Variants in UNC13C observed in about 807,000 individuals in gnomAD.
UNC13C encodes unc-13 homolog C.
Under a neutral mutation model 245.4 loss-of-function variants are expected in UNC13C, and 174 were observed. The ratio of observed to expected loss-of-function variants is 0.71; its 90% CI spans 0.63 to 0.80. The LOEUF is 0.80. Ranked by LOEUF, UNC13C falls within the 30% of genes least tolerant of loss-of-function variation. The pLI is 0.00. For synonymous variants in UNC13C, 992 were observed against 895.1 expected, an observed-to-expected ratio of 1.11 and a Z score of -1.93; for missense variants, 2,829 against 2,602.9, an observed-to-expected ratio of 1.09 and a Z score of -1.89.
At chr15:54,023,229 G>A (rs1034670898) in intron 2 of UNC13C, among the ~76,000 whole-genome samples, 3 of 152,194 alleles carry the variant, frequency 2.0e-5, no homozygotes, top group African/African-American at 7.2e-5. Context: ...ACATCATATA[G>A]CGAATTAAGG....
intron 26 of UNC13C, among the ~76,000 whole-genome samples, chr15:54,544,271 A>C (rs1896384549): frequency 6.6e-6 from 1 of 152,200 alleles, no homozygotes; most frequent in Non-Finnish European, 1.5e-5. Flanking sequence ...AACTCTCAAT[A>C]AAATAGGTAT....
chr15:54,202,220 A>G (rs1050912051), intron 4 of UNC13C, among the ~76,000 whole-genome samples: 1 of 152,088 alleles, frequency 6.6e-6, no homozygotes, highest in African/African-American at 2.4e-5. Flanking sequence ...GATAGAATCA[A>G]TATTGTGAAA....
At chr15:54,404,723 A>G (rs945140141) in intron 18 of UNC13C, among the ~76,000 whole-genome samples, 5 of 152,148 alleles carry the variant, frequency 3.3e-5, no homozygotes, top group Non-Finnish European at 7.4e-5. Flanking sequence ...ATGTATGACA[A>G]TTTCTACAAA....
chr15:54,349,687 G>T (rs116212359), intron 17 of UNC13C, among the ~76,000 whole-genome samples: 1 of 152,126 alleles, frequency 6.6e-6, no homozygotes, highest in Non-Finnish European at 1.5e-5. Flanking sequence ...CTTTCAGTTG[G>T]CAAGTAAGCC....
At chr15:53,860,627 G>A in the UNC13C span, among the ~76,000 whole-genome samples, 1 of 152,168 alleles carries the variant, frequency 6.6e-6, no homozygotes, top group Non-Finnish European at 1.5e-5. Context: ...TCTCCCAGGA[G>A]TCTTTGCCTC....
intron 1 of UNC13C, among the ~76,000 whole-genome samples, chr15:53,995,166 C>A (rs950855701): frequency 4.6e-5 from 7 of 151,520 alleles, no homozygotes; most frequent in African/African-American, 1.2e-4. Flanking sequence ...AACTGGTCAA[C>A]AAACAAATAG....
At chr15:54,525,764 A>C in intron 25 of UNC13C, 127 bp downstream of exon 25, 1 of 757,738 alleles carries the variant, frequency 1.3e-6, no homozygotes, top group Non-Finnish European at 2.2e-6. Flanking sequence ...TCTAAATGTC[A>C]TTTTCTCTGA....
chr15:54,224,992 A>G (rs1262285116), intron 4 of UNC13C, among the ~76,000 whole-genome samples: 2 of 145,116 alleles, frequency 1.4e-5, no homozygotes, highest in African/African-American at 5.0e-5. Flanking sequence ...TGTTTGCAAT[A>G]TTTCCCTTTT....
chr15:54,297,045 G>A (rs1281910594), intron 11 of UNC13C, among the ~76,000 whole-genome samples: 4 of 152,184 alleles, frequency 2.6e-5, no homozygotes, highest in African/African-American at 9.7e-5. Context: ...CACTGACAAT[G>A]AAAACTATTA....
At chr15:54,064,241 T>C (rs988354850) in intron 2 of UNC13C, among the ~76,000 whole-genome samples, 1 of 152,240 alleles carries the variant, frequency 6.6e-6, no homozygotes, top group African/African-American at 2.4e-5. Context: ...CAGAGAGATC[T>C]ATGGCTCCAT....
At chr15:54,403,867 A>C (rs1278726584) in intron 18 of UNC13C, among the ~76,000 whole-genome samples, 4 of 152,150 alleles carry the variant, frequency 2.6e-5, no homozygotes, top group Non-Finnish European at 5.9e-5. Flanking sequence ...ATTGGCTTCA[A>C]ATGGCACTTA....
intron 4 of UNC13C, among the ~76,000 whole-genome samples, chr15:54,197,720 GC>G (rs1426016318): frequency 3.9e-5 from 6 of 152,108 alleles, no homozygotes; most frequent in African/African-American, 1.4e-4. Context: ...GGACTGGCTT[GC>G]AGCTCCTGCT....
At chr15:54,217,004 T>C (rs939724014) in intron 4 of UNC13C, among the ~76,000 whole-genome samples, 2 of 151,976 alleles carry the variant, frequency 1.3e-5, no homozygotes, top group African/African-American at 4.8e-5. Context: ...CTATGTGTTG[T>C]TTCCAATAAA....
At position 53,979,342 on chromosome 15, in the gene UNC13C, G is replaced by A. The variant is rs898464656; in HGVS notation, c.-257+415G>A. ...AAAAGCCAAGATGTCATACACTAGT[G>A]TGTCACCCAAGTGTTTTTCCAGCTC... On this transcript the variant is annotated intron_variant, in intron 1 of 32. Coordinates refer to ENST00000260323, the MANE Select transcript of UNC13C (RefSeq NM_001080534.3). 4.0e-5 allele frequency among the ~76,000 whole-genome samples: 5 copies of A among 124,274 alleles called. No individual in the cohort carries two copies. In the Admixed American group the frequency reaches 5.4e-4, roughly 13 times the overall value. The allele number at this position is 124,274 out of a possible 152,430, so 81.5% of individuals were successfully genotyped here.
chr15:54,057,038 A>G (rs1010191802), intron 2 of UNC13C, among the ~76,000 whole-genome samples: 4 of 152,210 alleles, frequency 2.6e-5, no homozygotes, highest in African/African-American at 4.8e-5. Flanking sequence ...AAGGCTAGGA[A>G]GAAACTGCAT....
chr15:54,458,710 A>G (rs1426844627), intron 19 of UNC13C, among the ~76,000 whole-genome samples: 3 of 109,292 alleles, frequency 2.7e-5, no homozygotes, highest in African/African-American at 1.1e-4. Context: ...TTTTAAGGGA[A>G]TAGCTACTCC....
chr15:54,308,508 A>G (rs2037783206), intron 13 of UNC13C, among the ~76,000 whole-genome samples: 1 of 151,860 alleles, frequency 6.6e-6, no homozygotes, highest in Admixed American at 6.6e-5. Flanking sequence ...TTGTGTCATG[A>G]GTACACTTCC....
rs183504621 is a variant in UNC13C, at chr15:54,487,292, T to A, written c.4934-7316T>A. The stretch of plus-strand genomic sequence containing the variant: ...CTCAAGAATAAAGCTTCCTTTGGCA[T>A]GAGTTTCAGTGGTCATAAAGTAAGG... On this transcript the variant is annotated intron_variant, in intron 19 of 32. Coordinates refer to ENST00000260323, the MANE Select transcript of UNC13C (RefSeq NM_001080534.3). 2.3e-3 allele frequency among the ~76,000 whole-genome samples: 349 copies of A among 152,354 alleles called. 2 individuals are homozygous for A. Among genetic ancestry groups the A allele is most frequent in the Non-Finnish European group, 3.4e-3 (229 of 68,026 alleles).
At chr15:54,204,469 T>C (rs192622506) in intron 4 of UNC13C, among the ~76,000 whole-genome samples, 182 of 151,920 alleles carry the variant, frequency 1.2e-3, no homozygotes, top group African/African-American at 4.2e-3. Flanking sequence ...TGGAAAAAAA[T>C]TAAAGATTAA....
Sources: allele counts gnomAD v4.1 joint callset (sites outside exome capture counted in the v4.1 genomes callset), GRCh38; gene constraint gnomAD v4.1.1; transcripts MANE v1.5; gene names NCBI Gene and HGNC (gene_info 2026-07-23, HGNC 2026-07-21).